Variants in TMEM272 observed in about 807,000 individuals in gnomAD.
TMEM272 encodes the protein transmembrane protein 272.
Under a neutral mutation model 3.7 loss-of-function variants are expected in TMEM272, and 8 were observed. The observed-to-expected ratio is 2.17, with a 90% CI of 1.27 to 3.91. The LOEUF is 3.91. Among genes scored for constraint, TMEM272 ranks in the 30% most tolerant of loss-of-function variants. The pLI, the probability that TMEM272 is intolerant of heterozygous loss-of-function variation, is 0.00. For synonymous variants in TMEM272, 63 were observed against 39.8 expected (o/e 1.58, Z -2.20); for missense variants, 166 against 91.5 (o/e 1.81, Z -3.32).
chr13:51,928,682 G>A, the TMEM272 span, among the ~76,000 whole-genome samples: 1 of 152,174 alleles, frequency 6.6e-6, no homozygotes, highest in African/African-American at 2.4e-5. Flanking sequence ...GAGGTCTGGA[G>A]CAGTTTGTAG....
intron 2 of TMEM272, among the ~76,000 whole-genome samples, chr13:51,838,169 C>T (rs931267824): frequency 6.6e-6 from 1 of 152,194 alleles, no homozygotes; most frequent in African/African-American, 2.4e-5. Flanking sequence ...CCGTGTTGCC[C>T]AGCACGGCTG....
At chr13:51,820,978 C>T (rs774073944) in intron 4 of TMEM272, among the ~76,000 whole-genome samples, 1 of 152,210 alleles carries the variant, frequency 6.6e-6, no homozygotes, top group Non-Finnish European at 1.5e-5. Flanking sequence ...CCAAATCAGA[C>T]GTCTCCCACG....
chr13:51,912,711 T>C, the TMEM272 span, among the ~76,000 whole-genome samples: 8 of 152,188 alleles, frequency 5.3e-5, no homozygotes, highest in Non-Finnish European at 8.8e-5. Flanking sequence ...GTCTGCCTAC[T>C]GACCCCTGCT....
intron 2 of TMEM272, among the ~76,000 whole-genome samples, chr13:51,838,016 G>A (rs1956230363): frequency 6.6e-6 from 1 of 152,174 alleles, no homozygotes; most frequent in Admixed American, 6.5e-5. Context: ...AAGACAGACT[G>A]GGTCTTCTGT....
chr13:51,869,529 G>A, the TMEM272 span, among the ~76,000 whole-genome samples: 5 of 144,806 alleles, frequency 3.5e-5, no homozygotes, highest in East Asian at 2.0e-4. Flanking sequence ...TCGCCCTGTC[G>A]CCCAGGCTGG....
chr13:51,817,631 C>G (rs1956044874), intron 4 of TMEM272, among the ~76,000 whole-genome samples: 1 of 152,196 alleles, frequency 6.6e-6, no homozygotes, highest in South Asian at 2.1e-4. Context: ...GTTTCCTCCC[C>G]ACCCCAGCCC....
intron 2 of TMEM272, among the ~76,000 whole-genome samples, chr13:51,829,981 A>C (rs1433088868): frequency 6.6e-6 from 1 of 152,220 alleles, no homozygotes; most frequent in Non-Finnish European, 1.5e-5. Context: ...ATCATCAAGG[A>C]TGGGACATTG....
At chr13:51,828,010 CT>C in intron 2 of TMEM272, among the ~76,000 whole-genome samples, 1 of 152,172 alleles carries the variant, frequency 6.6e-6, no homozygotes, top group Non-Finnish European at 1.5e-5. Context: ...GGCTGGCAGC[CT>C]TCTTGCCATC....
At chr13:51,887,608 C>T in the TMEM272 span, among the ~76,000 whole-genome samples, 1 of 152,170 alleles carries the variant, frequency 6.6e-6, no homozygotes, top group Non-Finnish European at 1.5e-5. Flanking sequence ...TGAGCTTGCT[C>T]CTCCACACTA....
the TMEM272 span, among the ~76,000 whole-genome samples, chr13:51,888,557 T>C: frequency 6.6e-6 from 1 of 152,144 alleles, no homozygotes; most frequent in Admixed American, 6.5e-5. Context: ...GCATCTTGCT[T>C]TTCTCACATG....
chr13:51,917,965 C>T, the TMEM272 span, among the ~76,000 whole-genome samples: 1 of 152,324 alleles, frequency 6.6e-6, no homozygotes, highest in South Asian at 2.1e-4. Flanking sequence ...CCAGTGTCCT[C>T]TCATTCCCTT....
the TMEM272 span, among the ~76,000 whole-genome samples, chr13:51,923,644 G>C: frequency 1.4e-5 from 2 of 148,128 alleles, no homozygotes; most frequent in Non-Finnish European, 3.0e-5. Context: ...AAAGAAGGGA[G>C]GAGAGAAGGA....
At chr13:51,834,542 T>C (rs997634928) in intron 2 of TMEM272, among the ~76,000 whole-genome samples, 1 of 152,242 alleles carries the variant, frequency 6.6e-6, no homozygotes, top group African/African-American at 2.4e-5. Context: ...GTGCTATTTC[T>C]CCTGGCCAGA....
At chr13:51,831,554 A>T (rs947824725) in intron 2 of TMEM272, among the ~76,000 whole-genome samples, 1 of 152,238 alleles carries the variant, frequency 6.6e-6, no homozygotes, top group African/African-American at 2.4e-5. Flanking sequence ...GCTAGGTTGT[A>T]GGATCCACTG....
chr13:51,884,895 C>G, the TMEM272 span, among the ~76,000 whole-genome samples: 1 of 152,180 alleles, frequency 6.6e-6, no homozygotes, highest in African/African-American at 2.4e-5. Context: ...CTCTGTCTCC[C>G]TGTTTGTAAA....
At chr13:51,888,849 G>A in the TMEM272 span, among the ~76,000 whole-genome samples, 4 of 151,858 alleles carry the variant, frequency 2.6e-5, no homozygotes, top group African/African-American at 9.7e-5. Context: ...GTTTCACTAT[G>A]TTGGCCAGGC....
chr13:51,858,880 G>A, the TMEM272 span, among the ~76,000 whole-genome samples: 3 of 152,136 alleles, frequency 2.0e-5, no homozygotes, highest in African/African-American at 7.2e-5. Context: ...TCGAGGTCCC[G>A]CCCCATCCAC....
rs1051591794 is a variant in TMEM272 at position 51,827,377 on chromosome 13, C to T, written c.59-752G>A. ...TTTCCTCTTCTGTAAAAGGTGGTGA[C>T]AGATGTATGCACAAGGACCTCAGGG... On this transcript the variant is annotated intron_variant, in intron 2 of 4. Coordinates refer to ENST00000629372, the MANE Select transcript of TMEM272 (RefSeq NM_001351003.2). Among the ~76,000 whole-genome samples, 3 of 152,212 alleles carry T rather than the reference C, an allele frequency of 2.0e-5. No homozygotes were observed. In the East Asian group the frequency reaches 5.8e-4, roughly 29 times the overall value.
chr13:51,887,956 G>A, the TMEM272 span, among the ~76,000 whole-genome samples: 151,216 of 152,348 alleles, frequency 0.99, 75,047 homozygotes, highest in Middle Eastern at 1. Flanking sequence ...CATTTCATTA[G>A]CATCTTTAAA....
Sources: allele counts gnomAD v4.1 joint callset (sites outside exome capture counted in the v4.1 genomes callset), GRCh38; gene constraint gnomAD v4.1.1; transcripts MANE v1.5; gene names NCBI Gene and HGNC (gene_info 2026-07-23, HGNC 2026-07-21).